AOPEP: variants seen among roughly 807,000 people sequenced by gnomAD.
The protein encoded by AOPEP is aminopeptidase O.
In AOPEP, 77 loss-of-function variants were observed where a neutral mutation model predicts 98.1. That is an observed-to-expected ratio of 0.78 (90% CI 0.65 to 0.95). The LOEUF is 0.95. AOPEP is among the 40% of genes least tolerant of loss of function. AOPEP has a pLI of 0.00. For missense variants in AOPEP, 1,024 were observed against 1,024.7 expected (o/e 1.00, Z 0.01); for synonymous variants, 346 against 365.3 (o/e 0.95, Z 0.60).
chr9:95,111,463 C>A, the AOPEP span: 1 of 1,612,250 alleles, frequency 6.2e-7, no homozygotes, highest in East Asian at 2.2e-5. Context: ...TGCTACCCAC[C>A]ATAGTCTGTG....
intron 2 of AOPEP, among the ~76,000 whole-genome samples, chr9:94,766,791 A>G (rs1839728662): frequency 6.6e-6 from 1 of 152,224 alleles, no homozygotes. Context: ...ATAAAGTAAT[A>G]TTAACATTTA....
the AOPEP span, among the ~76,000 whole-genome samples, chr9:95,146,991 T>C: frequency 6.6e-6 from 1 of 151,046 alleles, no homozygotes; most frequent in Admixed American, 6.6e-5. Flanking sequence ...AAATTTTATC[T>C]AAGTTATTTT....
At chr9:95,038,609 A>G (rs2065027572) in intron 13 of AOPEP, among the ~76,000 whole-genome samples, 2 of 152,246 alleles carry the variant, frequency 1.3e-5, no homozygotes, top group Admixed American at 1.3e-4. Context: ...TCTACAACGC[A>G]AGCACATCAG....
intron 10 of AOPEP, among the ~76,000 whole-genome samples, chr9:94,968,910 T>G (rs1002176164): frequency 1.1e-4 from 16 of 152,154 alleles, no homozygotes; most frequent in Non-Finnish European, 8.8e-5. Context: ...AAGCCAACAC[T>G]GAAGTTGAGC....
chr9:94,814,384 T>C (rs1851268996), intron 5 of AOPEP, among the ~76,000 whole-genome samples: 1 of 152,188 alleles, frequency 6.6e-6, no homozygotes, highest in South Asian at 2.1e-4. Context: ...GGTATTTAAT[T>C]TTTGGTTTTA....
chr9:94,749,253 T>C (rs1320430972), intron 1 of AOPEP, among the ~76,000 whole-genome samples: 1 of 152,258 alleles, frequency 6.6e-6, no homozygotes, highest in Non-Finnish European at 1.5e-5. Context: ...GCTTTGGGCA[T>C]TGAAAGCTCT....
chr9:94,739,642 C>T (rs1316026348), intron 1 of AOPEP, among the ~76,000 whole-genome samples: 5 of 137,392 alleles, frequency 3.6e-5, no homozygotes, highest in Non-Finnish European at 6.2e-5. Context: ...GAAACTTCGT[C>T]TCAAAAAAAA....
At chr9:94,888,294 C>CGTGTGTGTGTGTGTGTGT (rs59342995) in intron 5 of AOPEP, among the ~76,000 whole-genome samples, 19 of 137,688 alleles carry the variant, frequency 1.4e-4, no homozygotes, top group South Asian at 2.6e-4. Context: ...AGAACCTTAC[C>CGTGTGTGTGTGTGTGTGT]GTGTGTGTGT....
intron 16 of AOPEP, chr9:95,085,203 C>T: frequency 2.0e-6 from 1 of 489,996 alleles, no homozygotes; most frequent in East Asian, 6.1e-5. Flanking sequence ...CGGGGTGGCG[C>T]TGCTCTCAGG....
At chr9:94,797,576 T>C (rs1847270602) in intron 4 of AOPEP, among the ~76,000 whole-genome samples, 1 of 152,196 alleles carries the variant, frequency 6.6e-6, no homozygotes, top group South Asian at 2.1e-4. Flanking sequence ...ATTTTAAGTA[T>C]AATTAACATA....
rs576820923 is a variant in AOPEP at position 94,932,735 on chromosome 9, C to T, written c.1661+4204C>T. ...CTAACCTCAAGTGATCTGCCTGCTT[C>T]GGCCTCCCAAAGTGCTGGGATTATA... On this transcript the variant is annotated intron_variant, in intron 7 of 16. Transcript: ENST00000375315. The T allele has an allele frequency of 3.7e-4, 326 of 891,220 alleles. No individual in the cohort carries two copies. In the African/African-American group the frequency reaches 4.9e-3, roughly 13 times the overall value. 55.2% of individuals were successfully genotyped at this position (891,220 alleles called of 1,614,324 possible). A position where few individuals can be genotyped will look rare whatever the true frequency, so the allele number is the denominator to read the frequency against.
the AOPEP span, among the ~76,000 whole-genome samples, chr9:95,149,450 T>TA: frequency 1.3e-5 from 2 of 151,166 alleles, no homozygotes; most frequent in African/African-American, 4.9e-5. Flanking sequence ...AAGTTAAAAA[T>TA]AAAAAAATAA....
intron 11 of AOPEP, among the ~76,000 whole-genome samples, chr9:94,987,620 C>T (rs1789311644): frequency 1.3e-5 from 2 of 152,288 alleles, no homozygotes; most frequent in Non-Finnish European, 1.5e-5. Context: ...CCAGCCCCTG[C>T]AACAATCTAA....
At chr9:94,796,007 AG>A (rs1846844416) in intron 4 of AOPEP, among the ~76,000 whole-genome samples, 1 of 152,270 alleles carries the variant, frequency 6.6e-6, no homozygotes, top group African/African-American at 2.4e-5. Flanking sequence ...CCCAGTTACC[AG>A]CCCAGCTGGA....
At chr9:94,800,124 A>C (rs559172426) in intron 4 of AOPEP, among the ~76,000 whole-genome samples, 7 of 152,282 alleles carry the variant, frequency 4.6e-5, no homozygotes, top group African/African-American at 1.7e-4. Flanking sequence ...TTGTTCTGAA[A>C]GTGGGTTGGG....
chr9:95,092,369 C>G, the AOPEP span, among the ~76,000 whole-genome samples: 1 of 152,010 alleles, frequency 6.6e-6, no homozygotes, highest in Admixed American at 6.5e-5. Context: ...CCCTGGCAGT[C>G]GCTGAGTGGG....
At chr9:95,031,020 A>T (rs2064253771) in intron 13 of AOPEP, among the ~76,000 whole-genome samples, 3 of 152,148 alleles carry the variant, frequency 2.0e-5, no homozygotes, top group Non-Finnish European at 2.9e-5. Flanking sequence ...TAGTATTTCC[A>T]CTATGTTGTC....
chr9:95,046,293 A>G (rs2065862465), intron 13 of AOPEP, among the ~76,000 whole-genome samples: 1 of 152,232 alleles, frequency 6.6e-6, no homozygotes, highest in Non-Finnish European at 1.5e-5. Context: ...GACCAACTTA[A>G]TCGGCAGTGG....
intron 5 of AOPEP, among the ~76,000 whole-genome samples, chr9:94,870,243 G>T (rs1440453687): frequency 6.6e-6 from 1 of 152,084 alleles, no homozygotes; most frequent in African/African-American, 2.4e-5. Flanking sequence ...GCCCGCCTCC[G>T]CCTCCCAAAG....
Sources: allele counts gnomAD v4.1 joint callset (sites outside exome capture counted in the v4.1 genomes callset), GRCh38; gene constraint gnomAD v4.1.1; transcripts MANE v1.5; gene names NCBI Gene and HGNC (gene_info 2026-07-23, HGNC 2026-07-21).